Variants in ZNF737 observed in about 807,000 individuals in gnomAD.
ZNF737 encodes zinc finger protein 102 (Y3).
A neutral mutation model predicts 11.7 loss-of-function variants in ZNF737; 13 were observed. The ratio of observed to expected loss-of-function variants is 1.11; its 90% confidence interval spans 0.73 to 1.77. The LOEUF is 1.77. Among genes scored for constraint, ZNF737 ranks in the 40% most tolerant of loss-of-function variants. The pLI is 0.00. For missense variants in ZNF737, 636 were observed against 638.0 expected (o/e 1.00, Z 0.03); for synonymous variants, 217 against 216.2 (o/e 1.00, Z -0.03).
downstream of ZNF737, among the ~76,000 whole-genome samples, chr19:20,532,985 T>C (rs187713913): frequency 1.3e-5 from 2 of 150,346 alleles, no homozygotes; most frequent in Admixed American, 1.3e-4. Flanking sequence ...CACACACTCT[T>C]GGAAATAAAT....
chr19:20,553,689 T>C lies in ZNF737; in HGVS notation c.130+20A>G, dbSNP rs187481428. 7.6e-4 allele frequency: 1,215 copies of C among 1,607,492 alleles called. 1 individual carries two copies. The highest frequency in any genetic ancestry group is 1.0e-3 in the Non-Finnish European group (1,173 of 1,175,510). On this transcript the variant is annotated intron_variant, in intron 2 of 3. Coordinates refer to ENST00000427401, the MANE Select transcript of ZNF737 (RefSeq NM_001159293.2). ...AGTCTTTTGTGTATATTATGAATTATGTATTAAAGTTTTTCTCACCAAGGA... is the reference window on the plus strand; with the variant it reads ...AGTCTTTTGTGTATATTATGAATTACGTATTAAAGTTTTTCTCACCAAGGA...
chr19:20,564,255 T>C (rs1599442648), intron 1 of ZNF737: 1 of 152,304 alleles, frequency 6.6e-6, no homozygotes, highest in South Asian at 2.1e-4. Flanking sequence ...ACATATAATT[T>C]AGCATTTAAC....
chr19:20,543,781 T>G lies in ZNF737; in HGVS notation c.*811A>C. On this transcript the variant is annotated 3_prime_UTR_variant, in exon 4 of 4. Transcript: ENST00000427401. Reference sequence around the variant, plus strand: ...GTTCGTAAAAGCAATGTCACATTTTTTAGCTTTGCGGATTTCCTCTTCAAC... The same window carrying G: ...GTTCGTAAAAGCAATGTCACATTTTGTAGCTTTGCGGATTTCCTCTTCAAC... The G allele has an allele frequency of 2.0e-6, 2 of 985,450 alleles. No individual in the cohort carries two copies. Among genetic ancestry groups the G allele is most frequent in the Non-Finnish European group, 2.4e-6 (2 of 829,950 alleles). The allele number at this position is 985,450 out of a possible 1,614,324, so 61.0% of individuals were successfully genotyped here.
At chr19:20,532,321 C>T (rs1446617576), downstream of ZNF737, among the ~76,000 whole-genome samples, 4 of 150,102 alleles carry the variant, frequency 2.7e-5, 1 homozygote, top group African/African-American at 9.8e-5. Flanking sequence ...CTTAATTTAT[C>T]TCAGCTTCAG....
intron 1 of ZNF737, 120 bp downstream of exon 1, chr19:20,565,518 G>A: frequency 1.3e-6 from 2 of 1,542,786 alleles, no homozygotes; most frequent in South Asian, 2.2e-5. Context: ...TGGGCAAGGA[G>A]AACTCAGGGT....
At chr19:20,564,983 G>A (rs1280118109) in intron 1 of ZNF737, among the ~76,000 whole-genome samples, 2 of 145,656 alleles carry the variant, frequency 1.4e-5, no homozygotes. Flanking sequence ...CGCGCAGGCT[G>A]GAGTGCAGTG....
At chr19:20,537,716 C>T (rs1009917608), downstream of ZNF737, among the ~76,000 whole-genome samples, 4 of 151,526 alleles carry the variant, frequency 2.6e-5, no homozygotes, top group African/African-American at 9.7e-5. Flanking sequence ...GGGGTTTCAC[C>T]ATGTTGGCCA....
intron 1 of ZNF737, among the ~76,000 whole-genome samples, chr19:20,565,336 A>G (rs2144718119): frequency 6.6e-6 from 1 of 151,356 alleles, no homozygotes; most frequent in South Asian, 2.1e-4. Flanking sequence ...TCCCCTGACG[A>G]CCCTCTGGTG....
intron 1 of ZNF737, among the ~76,000 whole-genome samples, chr19:20,556,540 T>C (rs1420914421): frequency 2.0e-5 from 3 of 152,206 alleles, no homozygotes; most frequent in Admixed American, 1.3e-4. Context: ...GGTCCATGAA[T>C]GGGTGTTTCA....
intron 3 of ZNF737, among the ~76,000 whole-genome samples, chr19:20,548,569 A>G (rs1968539593): frequency 6.6e-6 from 1 of 152,154 alleles, no homozygotes; most frequent in Non-Finnish European, 1.5e-5. Flanking sequence ...AAACTTTCTA[A>G]AAGTCTTTTG....
In ZNF737 at chr19:20,543,622, G is replaced by T. The variant is rs529149655; in HGVS notation, c.*970C>A. On this transcript the variant is annotated 3_prime_UTR_variant, in exon 4 of 4. Transcript: ENST00000427401. ...AAGTTTTGCCACATTCTTCACACTTGTAGGAGTTTTGCCAGTATGAATTAT... is the reference window on the plus strand; with the variant it reads ...AAGTTTTGCCACATTCTTCACACTTTTAGGAGTTTTGCCAGTATGAATTAT... 23 of 985,514 alleles carry T rather than the reference G, an allele frequency of 2.3e-5. No individual in the cohort carries two copies. Among genetic ancestry groups the T allele is most frequent in the African/African-American group, 1.0e-4 (6 of 57,332 alleles). The allele number at this position is 985,514 out of a possible 1,614,324, so 61.0% of individuals were successfully genotyped here.
At chr19:20,548,432 A>G (rs1968533978) in intron 3 of ZNF737, among the ~76,000 whole-genome samples, 2 of 152,196 alleles carry the variant, frequency 1.3e-5, no homozygotes, top group Admixed American at 1.3e-4. Context: ...TTCCACATAT[A>G]TGATATATCT....
At chr19:20,536,013 CA>C (rs1967952625), downstream of ZNF737, 2 of 894,640 alleles carry the variant, frequency 2.2e-6, no homozygotes, top group Non-Finnish European at 2.7e-6. Context: ...GTTCTTCAGC[CA>C]ATGGATGAAA....
intron 1 of ZNF737, among the ~76,000 whole-genome samples, chr19:20,564,423 A>C (rs1224562862): frequency 2.6e-5 from 4 of 152,110 alleles, no homozygotes; most frequent in Non-Finnish European, 5.9e-5. Context: ...AATGGAAGAG[A>C]GATTTTCCCT....
In ZNF737 at chr19:20,545,486, G is replaced by C; in HGVS notation, c.717C>G (p.Ser239Arg). The change falls in exon 4 of 4, where the codon AGC becomes AGG. Residue 239 changes from serine to arginine, a missense_variant. Transcript: ENST00000427401. ...YKCEDCGKAF[S>R]RFSYLTAHKI... is the part of the protein sequence containing the mutation. ...TATGTGCAGTAAGGTATGAAAACCG[G>C]CTAAAGGCTTTGCCACAGTCTTCAC... 6.2e-7 allele frequency: 1 copy of C among 1,612,886 alleles called. No individual in the cohort carries two copies. Among genetic ancestry groups the C allele is most frequent in the Non-Finnish European group, 8.5e-7 (1 of 1,179,672 alleles).
At chr19:20,546,013 T>C (rs781824982) in intron 3 of ZNF737, 37 bp from the exon 4 acceptor site, 7 of 1,522,094 alleles carry the variant, frequency 4.6e-6, no homozygotes, top group Non-Finnish European at 5.3e-6. Flanking sequence ...CTTCAATTGG[T>C]AGACTCAGAT....
At chr19:20,562,675 G>C (rs1426565092) in intron 1 of ZNF737, among the ~76,000 whole-genome samples, 3 of 151,990 alleles carry the variant, frequency 2.0e-5, no homozygotes, top group Non-Finnish European at 4.4e-5. Context: ...GGCTGGTCTT[G>C]AACACCTGAC....
In ZNF737 at chr19:20,543,028, CA is replaced by C. The variant is rs1349227491; in HGVS notation, c.*1563del. The C allele has an allele frequency of 1.8e-4, 181 of 985,104 alleles. No individual in the cohort carries two copies. The highest frequency in any genetic ancestry group is 2.0e-4 in the Non-Finnish European group (170 of 829,784). 61.0% of individuals were successfully genotyped at this position (985,104 alleles called of 1,614,324 possible). Reference sequence around the variant, plus strand: ...GCAGTTGTGGATTAGTTTTTATATTCAATGCTCTGATTTAGTGTAATGTCTG... The same window carrying C: ...GCAGTTGTGGATTAGTTTTTATATTCATGCTCTGATTTAGTGTAATGTCTG... On this transcript the variant is annotated 3_prime_UTR_variant, in exon 4 of 4. Transcript: ENST00000427401.
intron 1 of ZNF737, among the ~76,000 whole-genome samples, chr19:20,555,303 C>G (rs1555760601): frequency 6.6e-6 from 1 of 152,130 alleles, no homozygotes; most frequent in Non-Finnish European, 1.5e-5. Context: ...CTGCCTCAGC[C>G]TCCTGAGGAG....
Sources: gnomAD v4.1 joint callset for allele counts (sites outside exome capture counted in the v4.1 genomes callset) on GRCh38, gnomAD v4.1.1 for gene constraint, MANE v1.5 for transcripts, NCBI Gene and HGNC (gene_info 2026-07-23, HGNC 2026-07-21) for gene names.